PCDHA12: variants seen among roughly 807,000 people sequenced by gnomAD.
The protein encoded by PCDHA12 is protocadherin alpha-12.
PCDHA12 carries 44 observed loss-of-function variants against 60.0 expected under a neutral mutation model. The ratio of observed to expected loss-of-function variants is 0.73; its 90% CI spans 0.58 to 0.94. The LOEUF (loss-of-function observed/expected upper bound fraction) is 0.94, where lower values mean the gene tolerates loss of function less well. PCDHA12 is among the 40% of genes least tolerant of loss of function. The probability of loss-of-function intolerance (pLI) is 0.00; values close to 1 mark genes in which losing one functional copy is unlikely to be tolerated. For synonymous variants in PCDHA12, 569 were observed against 553.0 expected (o/e 1.03, Z -0.40); for missense variants, 1,276 against 1,239.7 (o/e 1.03, Z -0.44).
At position 140,877,459 on chromosome 5, in the gene PCDHA12, G is replaced by A. The variant is rs782125799; in HGVS notation, c.1987G>A (p.Ala663Thr). ...DHGEPALTSTATVLVSLVENG... is the reference protein window; with the variant it reads ...DHGEPALTSTTTVLVSLVENG... ...CGGTGAGCCCGCGCTGACGTCCACGGCCACGGTGCTGGTGTCGCTGGTGGA... is the reference window on the plus strand; with the variant it reads ...CGGTGAGCCCGCGCTGACGTCCACGACCACGGTGCTGGTGTCGCTGGTGGA... Residue 663 changes from alanine (A) to threonine (T), a missense_variant, in exon 1 of 4, where the codon GCC (alanine) becomes ACC (threonine). By Grantham distance (58) the Ala-to-Thr change is moderately conservative (BLOSUM62 0). Coordinates refer to ENST00000398631, the MANE Select transcript of PCDHA12 (RefSeq NM_018903.4). 98 of 1,613,712 alleles carry A rather than the reference G, an allele frequency of 6.1e-5. No individual in the cohort carries two copies. The East Asian group carries it at 2.1e-3, about 35-fold the overall frequency.
intron 1 of PCDHA12, among the ~76,000 whole-genome samples, chr5:140,886,052 CT>C (rs1247635205): frequency 6.6e-6 from 1 of 152,122 alleles, no homozygotes; most frequent in Non-Finnish European, 1.5e-5. Flanking sequence ...ATAGTAACAT[CT>C]TACAAAAGCG....
At chr5:140,925,142 C>G (rs2082353538) in intron 1 of PCDHA12, among the ~76,000 whole-genome samples, 1 of 151,570 alleles carries the variant, frequency 6.6e-6, no homozygotes, top group African/African-American at 2.4e-5. Context: ...TTCAAACATA[C>G]ACAAAAGTTG....
intron 3 of PCDHA12, among the ~76,000 whole-genome samples, chr5:140,985,373 C>G (rs1228293287): frequency 6.6e-6 from 1 of 152,106 alleles, no homozygotes. Flanking sequence ...TTATCTGGGT[C>G]TATATAATCC....
chr5:140,887,788 G>A (rs1384145646), intron 1 of PCDHA12, among the ~76,000 whole-genome samples: 4 of 152,006 alleles, frequency 2.6e-5, no homozygotes, highest in Admixed American at 6.6e-5. Flanking sequence ...TCATTGAAGC[G>A]TTCTTTATTT....
intron 1 of PCDHA12, among the ~76,000 whole-genome samples, chr5:140,933,650 CCTGTCTCTCTCT>C (rs1218539002): frequency 2.6e-5 from 4 of 151,890 alleles, no homozygotes; most frequent in South Asian, 2.1e-4. Context: ...AGTTGGAAAT[CCTGTCTCTCTCT>C]CTGTCTCTCT....
rs1554168246 is a variant in PCDHA12 at position 140,876,069 on chromosome 5, A to G, written c.597A>G (p.Leu199=). The change falls in exon 1 of 4, where the codon TTA becomes TTG. Residue 199 remains leucine (L), a synonymous_variant. Transcript: ENST00000398631. ...TGCCTGAATTAGTTCTTCGGAAGTT[A>G]TTGGACAGAGAGCAAACGCCAAAAC... ...SILPELVLRK[L]LDREQTPKLN... is the part of the protein sequence containing the mutation. 6.2e-7 allele frequency: 1 copy of G among 1,613,948 alleles called. No homozygotes were observed. Among genetic ancestry groups the G allele is most frequent in the South Asian group, 1.1e-5 (1 of 91,090 alleles).
intron 1 of PCDHA12, chr5:140,882,952 G>A (rs782634608): frequency 3.7e-6 from 6 of 1,614,048 alleles, no homozygotes; most frequent in Non-Finnish European, 5.1e-6. Flanking sequence ...CAGTTCAGCT[G>A]CTCATCACGA....
chr5:140,884,441 GCACCGCCCACCGAGGGC>G (rs782266354), intron 1 of PCDHA12: 1 of 1,613,812 alleles, frequency 6.2e-7, no homozygotes, highest in Non-Finnish European at 8.5e-7. Flanking sequence ...GCGGTGCTCG[GCACCGCCCACCGAGGGC>G]GCGTGCGCGC....
At position 140,941,204 on chromosome 5, in the gene PCDHA12, TTTCTTTCTTC is replaced by T. The variant is rs1554213952; in HGVS notation, c.2368-37744_2368-37735del. Among the ~76,000 whole-genome samples, 512 of 88,682 alleles carry T rather than the reference TTTCTTTCTTC, an allele frequency of 5.8e-3. 4 individuals are homozygous for T. Among genetic ancestry groups the T allele is most frequent in the African/African-American group, 0.011 (178 of 16,048 alleles). The allele number at this position is 88,682 out of a possible 152,430, so 58.2% of individuals were successfully genotyped here. ...CTGCTTCTTTTTTTTTCTTTCTTCC[TTTCTTTCTTC>T]CTTTCTTTCTTTCTTTCTTTCTTTC... On this transcript the variant is annotated intron_variant, in intron 1 of 3. Coordinates refer to ENST00000398631, the MANE Select transcript of PCDHA12 (RefSeq NM_018903.4).
chr5:140,887,482 CT>C lies in PCDHA12; in HGVS notation c.2367+9645del, dbSNP rs2061466213. 4.6e-5 allele frequency among the ~76,000 whole-genome samples: 7 copies of C among 152,170 alleles called. 1 individual carries two copies. The highest frequency in any genetic ancestry group is 4.6e-4 in the Admixed American group (7 of 15,274). ...AAGATATAATTCAGTTGTCTTCTGG[CT>C]TGCATAGTTTCTAATAAGATGTTTG... On this transcript the variant is annotated intron_variant, in intron 1 of 3. Coordinates refer to ENST00000398631, the MANE Select transcript of PCDHA12 (RefSeq NM_018903.4).
At chr5:140,927,481 G>A in intron 1 of PCDHA12, 1 of 1,614,072 alleles carries the variant, frequency 6.2e-7, no homozygotes, top group Non-Finnish European at 8.5e-7. Flanking sequence ...CGAACAGCGC[G>A]CCACCCACCT....
intron 1 of PCDHA12, chr5:140,966,517 A>T (rs1285058359): frequency 4.6e-6 from 2 of 435,352 alleles, no homozygotes; most frequent in Non-Finnish European, 8.0e-6. Context: ...CAGCAGCAGG[A>T]AGCCGAGCCG....
intron 1 of PCDHA12, among the ~76,000 whole-genome samples, chr5:140,912,634 G>A (rs1435924500): frequency 6.6e-6 from 1 of 152,016 alleles, no homozygotes; most frequent in African/African-American, 2.4e-5. Context: ...GAGACTTTCA[G>A]TACTATGTTG....
At chr5:140,941,202 C>CCTTCCTTTCTTT (rs1554213920) in intron 1 of PCDHA12, among the ~76,000 whole-genome samples, 197 of 122,808 alleles carry the variant, frequency 1.6e-3, no homozygotes, top group Admixed American at 2.9e-3. Flanking sequence ...TTTCTTTCTT[C>CCTTCCTTTCTTT]CTTTCTTTCT....
In PCDHA12 at chr5:140,877,811, GAGA is replaced by G; in HGVS notation, c.2343_2345del (p.Glu781del). On this transcript the variant is annotated inframe_deletion, in exon 1 of 4. Coordinates refer to ENST00000398631, the MANE Select transcript of PCDHA12 (RefSeq NM_018903.4). ...TTCAGCCCAAGCCTTCAGCTGTCTCGAGAAGATTGTTTAAATCCTCCCAGTGAA... is the reference window on the plus strand; with the variant it reads ...TTCAGCCCAAGCCTTCAGCTGTCTCGAGATTGTTTAAATCCTCCCAGTGAA... 1 of 1,610,242 alleles carries G rather than the reference GAGA, an allele frequency of 6.2e-7. No homozygotes were observed. Among genetic ancestry groups the G allele is most frequent in the African/African-American group, 1.3e-5 (1 of 74,900 alleles).
intron 3 of PCDHA12, among the ~76,000 whole-genome samples, chr5:140,992,214 C>G (rs2097499658): frequency 6.6e-6 from 1 of 152,152 alleles, no homozygotes; most frequent in Non-Finnish European, 1.5e-5. Flanking sequence ...ATAAACTACT[C>G]TCCCTTCCTG....
At chr5:140,885,685 A>G (rs2060694021) in intron 1 of PCDHA12, among the ~76,000 whole-genome samples, 1 of 152,198 alleles carries the variant, frequency 6.6e-6, no homozygotes, top group African/African-American at 2.4e-5. Flanking sequence ...TATCTCAAGA[A>G]GCAATAGTGG....
rs139859573 is a variant in PCDHA12, at chr5:140,940,130, A to G, written c.2368-38819A>G. ...TGTATTATTTACCTCTATTTCTGCT[A>G]GTGATAAACTATTATAGTTTTTGTT... On this transcript the variant is annotated intron_variant, in intron 1 of 3. Transcript: ENST00000398631. Among the ~76,000 whole-genome samples, 378 of 152,286 alleles carry G rather than the reference A, an allele frequency of 2.5e-3. 4 individuals carry two copies. Among genetic ancestry groups the G allele is most frequent in the Non-Finnish European group, 4.6e-3 (313 of 68,020 alleles).
At position 140,875,919 on chromosome 5, in the gene PCDHA12, C is replaced by G; in HGVS notation, c.447C>G (p.Asp149Glu). 2.5e-6 allele frequency: 4 copies of G among 1,614,168 alleles called. No individual in the cohort carries two copies. The highest frequency in any genetic ancestry group is 3.4e-6 in the Non-Finnish European group (4 of 1,180,044). Residue 149 changes from aspartate to glutamate, a missense_variant, in exon 1 of 4, where the codon GAC becomes GAG. Asp to Glu is a conservative substitution (Grantham distance 45, BLOSUM62 2). Transcript: ENST00000398631. Reference protein sequence around the residue: ...KVPVSESAPLDSHFPLEGASD... With the variant: ...KVPVSESAPLESHFPLEGASD... ...CTGTTTCTGAATCTGCGCCTCTGGA[C>G]TCTCATTTTCCTCTAGAGGGCGCTT...
Sources: gnomAD v4.1 joint callset for allele counts (sites outside exome capture counted in the v4.1 genomes callset) on GRCh38, gnomAD v4.1.1 for gene constraint, MANE v1.5 for transcripts, NCBI Gene and HGNC (gene_info 2026-07-23, HGNC 2026-07-21) for gene names.